The following TTC27 variants were observed in gnomAD, a reference collection of about 807,000 sequenced individuals.
The protein encoded by TTC27 is tetratricopeptide repeat domain 27.
In TTC27, 79 loss-of-function variants were observed where a neutral mutation model predicts 115.9. The observed-to-expected ratio is 0.68, with a 90% CI of 0.57 to 0.82. TTC27 has a LOEUF of 0.82. Among genes scored for constraint, TTC27 ranks in the 40% least tolerant of loss-of-function variants. The pLI is 0.00. For synonymous variants in TTC27, 401 were observed against 356.0 expected (o/e 1.13, Z -1.42); for missense variants, 1,054 against 993.1 (o/e 1.06, Z -0.82).
intron 9 of TTC27, among the ~76,000 whole-genome samples, chr2:32,686,142 A>G (rs1483838424): frequency 6.6e-6 from 1 of 152,240 alleles, no homozygotes; most frequent in Non-Finnish European, 1.5e-5. Flanking sequence ...CAAGACCTCT[A>G]TGCTGAAAAT....
rs142310702 is a variant in TTC27, at chr2:32,709,588, A to C, written c.1233+6668A>C. Among the ~76,000 whole-genome samples, 603 of 152,368 alleles carry C rather than the reference A, an allele frequency of 4.0e-3. 4 individuals carry two copies. Among genetic ancestry groups the C allele is most frequent in the African/African-American group, 0.014 (569 of 41,592 alleles). ...AAATGTCAATCCGAGGTGTTGGCTCAGTAGAGCCTACAGTATTCCCCACTT... is the reference window on the plus strand; with the variant it reads ...AAATGTCAATCCGAGGTGTTGGCTCCGTAGAGCCTACAGTATTCCCCACTT... On this transcript the variant is annotated intron_variant, in intron 10 of 19. Coordinates refer to ENST00000317907, the MANE Select transcript of TTC27 (RefSeq NM_017735.5).
At chr2:32,679,012 AACACTGCC>A in intron 9 of TTC27, 90 bp downstream of exon 9, 1 of 1,100,184 alleles carries the variant, frequency 9.1e-7, no homozygotes, top group South Asian at 1.3e-5. Flanking sequence ...TTTATGTTGA[AACACTGCC>A]ACCTAAGGAA....
intron 16 of TTC27, among the ~76,000 whole-genome samples, chr2:32,795,900 C>T (rs1670688066): frequency 6.6e-6 from 1 of 151,888 alleles, no homozygotes; most frequent in African/African-American, 2.4e-5. Context: ...TTTCTAAGAT[C>T]AGAAACAATT....
intron 6 of TTC27, 114 bp downstream of exon 6, chr2:32,664,581 A>T: frequency 3.4e-6 from 3 of 875,568 alleles, no homozygotes; most frequent in Non-Finnish European, 5.1e-6. Flanking sequence ...TGCTTTACAA[A>T]AGTAGACTTT....
chr2:32,715,691 C>A (rs966218304), intron 10 of TTC27, among the ~76,000 whole-genome samples: 7 of 151,958 alleles, frequency 4.6e-5, no homozygotes, highest in African/African-American at 1.7e-4. Context: ...GTTGGTAGTC[C>A]TTTCTTTATA....
At chr2:32,748,759 C>T (rs1023094035) in intron 12 of TTC27, among the ~76,000 whole-genome samples, 1 of 149,702 alleles carries the variant, frequency 6.7e-6, no homozygotes, top group African/African-American at 2.5e-5. Flanking sequence ...GTGATCTCGG[C>T]TCACTGCAGC....
intron 16 of TTC27, 61 bp from the exon 17 acceptor site, chr2:32,810,963 C>T (rs1049470051): frequency 6.4e-7 from 1 of 1,556,584 alleles, no homozygotes; most frequent in Non-Finnish European, 8.8e-7. Flanking sequence ...TGAGATAGCT[C>T]TTTGTTTTTG....
rs1437775513 is a variant in TTC27 at position 32,733,942 on chromosome 2, A to G, written c.1329+19A>G. ...CATTCAGGTATTTCTGTTGTTTGTC[A>G]TTGGGTATGGAAATTACTTGGCATT... On this transcript the variant is annotated intron_variant, in intron 11 of 19. Coordinates refer to ENST00000317907, the MANE Select transcript of TTC27 (RefSeq NM_017735.5). 6.4e-7 allele frequency: 1 copy of G among 1,558,206 alleles called. No homozygotes were observed. Among genetic ancestry groups the G allele is most frequent in the East Asian group, 2.3e-5 (1 of 44,158 alleles).
chr2:32,809,948 C>A (rs1671261831), intron 16 of TTC27, among the ~76,000 whole-genome samples: 1 of 152,060 alleles, frequency 6.6e-6, no homozygotes, highest in Non-Finnish European at 1.5e-5. Context: ...GAAACCCCAT[C>A]TCTACTAAAA....
intron 3 of TTC27, among the ~76,000 whole-genome samples, chr2:32,634,459 C>T (rs1203616989): frequency 6.6e-6 from 1 of 151,534 alleles, no homozygotes; most frequent in African/African-American, 2.4e-5. Flanking sequence ...ACATGTCCAG[C>T]TAATTTTTTT....
chr2:32,815,007 C>A (rs117840356), intron 18 of TTC27, among the ~76,000 whole-genome samples: 2 of 152,098 alleles, frequency 1.3e-5, no homozygotes, highest in Non-Finnish European at 2.9e-5. Context: ...TAAGATATTG[C>A]GACCTTGACA....
In TTC27 at chr2:32,664,432, C is replaced by A. The variant is rs749480932; in HGVS notation, c.770C>A (p.Ala257Asp). ...YRKAKDQLDI[A>D]KDISQLQIDL... ...AAAGCAAAAGATCAGTTGGATATTG[C>A]TAAGGACATCAGCCAATTACAAATT... The change falls in exon 6 of 20, where the codon GCT (alanine) becomes GAT (aspartate). Residue 257 changes from alanine to aspartate, a missense_variant. Transcript: ENST00000317907. The A allele has an allele frequency of 3.7e-6, 6 of 1,609,196 alleles. No individual in the cohort carries two copies. In the Admixed American group the frequency reaches 1.0e-4, roughly 28 times the overall value.
intron 11 of TTC27, among the ~76,000 whole-genome samples, chr2:32,734,734 C>T (rs1306627617): frequency 6.6e-6 from 1 of 152,056 alleles, no homozygotes; most frequent in African/African-American, 2.4e-5. Context: ...TGTTGATCAC[C>T]CAATCTACAT....
rs562660860 is a variant in TTC27, at chr2:32,630,601, T to G, written c.167T>G (p.Phe56Cys). ...IFLNSMTQNI[F>C]NSTTTAEEKI... ...TTAAATTCAATGACTCAAAATATTT[T>G]TAATTCAACAACAACCGCTGAAGAA... is the stretch of plus-strand genomic sequence containing the variant. Residue 56 changes from phenylalanine to cysteine, a missense_variant, in exon 2 of 20, where the codon TTT (phenylalanine) becomes TGT (cysteine). Phe to Cys is a radical substitution (Grantham distance 205). Coordinates refer to ENST00000317907, the MANE Select transcript of TTC27 (RefSeq NM_017735.5). 69 of 1,613,832 alleles carry G rather than the reference T, an allele frequency of 4.3e-5. No homozygotes were observed. In the South Asian group the frequency reaches 7.0e-4, roughly 16 times the overall value.
chr2:32,793,744 A>T (rs1402339134), intron 16 of TTC27, among the ~76,000 whole-genome samples: 1 of 152,084 alleles, frequency 6.6e-6, no homozygotes, highest in Non-Finnish European at 1.5e-5. Flanking sequence ...GCTGGTCTTG[A>T]ACTCCTGACC....
rs138727437 is a variant in TTC27 at position 32,664,856 on chromosome 2, C to T, written c.805+389C>T. Among the ~76,000 whole-genome samples, 742 of 149,492 alleles carry T rather than the reference C, an allele frequency of 5.0e-3. 4 individuals are homozygous for T. The highest frequency in any genetic ancestry group is 0.016 in the African/African-American group (669 of 40,684). ...CTTGCTTTTTTTTTTTTTTTGAGAC[C>T]GAGTCTCGCTCTGTCGCCCAGGCTG... On this transcript the variant is annotated intron_variant, in intron 6 of 19. Transcript: ENST00000317907.
chr2:32,738,850 A>T (rs1482849977), intron 12 of TTC27, among the ~76,000 whole-genome samples: 3 of 152,238 alleles, frequency 2.0e-5, no homozygotes, highest in African/African-American at 7.2e-5. Flanking sequence ...ACCCAAAAGT[A>T]GATGAAGCTT....
At chr2:32,631,095 G>A (rs1172776540) in intron 2 of TTC27, among the ~76,000 whole-genome samples, 2 of 152,166 alleles carry the variant, frequency 1.3e-5, no homozygotes, top group Non-Finnish European at 2.9e-5. Flanking sequence ...CATGAGGTCA[G>A]GAGTTTAAGA....
At chr2:32,779,234 A>C (rs1175041157) in intron 14 of TTC27, among the ~76,000 whole-genome samples, 1 of 150,382 alleles carries the variant, frequency 6.6e-6, no homozygotes, top group Non-Finnish European at 1.5e-5. Context: ...AAAAAAAAAC[A>C]AACAAATAAA....
Sources: gnomAD v4.1 joint callset for allele counts (sites outside exome capture counted in the v4.1 genomes callset) on GRCh38, gnomAD v4.1.1 for gene constraint, MANE v1.5 for transcripts, NCBI Gene and HGNC (gene_info 2026-07-23, HGNC 2026-07-21) for gene names.